The following MPDZ variants were observed in gnomAD, a reference collection of about 807,000 sequenced individuals.
MPDZ encodes the protein multiple PDZ domain crumbs cell polarity complex component.
MPDZ carries 234 observed loss-of-function variants against 239.1 expected under a neutral mutation model. The ratio of observed to expected loss-of-function variants is 0.98; its 90% CI spans 0.88 to 1.09. The LOEUF (loss-of-function observed/expected upper bound fraction) is 1.09, where lower values mean the gene tolerates loss of function less well. MPDZ is among the 50% of genes least tolerant of loss of function. The pLI is 0.00. For missense variants in MPDZ, 3,175 were observed against 2,510.0 expected, an observed-to-expected ratio of 1.26 and a Z score of -5.66; for synonymous variants, 1,048 against 881.3, an observed-to-expected ratio of 1.19 and a Z score of -3.35.
chr9:13,199,659 C>T (rs1458109547), intron 12 of MPDZ, among the ~76,000 whole-genome samples: 2 of 151,948 alleles, frequency 1.3e-5, no homozygotes, highest in East Asian at 3.9e-4. Flanking sequence ...CTTGATTATT[C>T]TGAGGCATGT....
At chr9:13,114,806 A>C (rs893995348) in intron 40 of MPDZ, among the ~76,000 whole-genome samples, 1 of 152,118 alleles carries the variant, frequency 6.6e-6, no homozygotes, top group African/African-American at 2.4e-5. Flanking sequence ...AAGTAGAGAC[A>C]GAAGAATCTA....
At chr9:13,109,423 G>C (rs1942040253) in intron 45 of MPDZ, among the ~76,000 whole-genome samples, 1 of 152,140 alleles carries the variant, frequency 6.6e-6, no homozygotes, top group Non-Finnish European at 1.5e-5. Flanking sequence ...ATAAACATCA[G>C]TACGCCCAAG....
intron 8 of MPDZ, among the ~76,000 whole-genome samples, 157 bp downstream of exon 8, chr9:13,219,402 A>G (rs552482466): frequency 6.6e-6 from 1 of 152,182 alleles, no homozygotes; most frequent in African/African-American, 2.4e-5. Flanking sequence ...GATTAATAAA[A>G]TATCATTAGT....
At position 13,250,370 on chromosome 9, in the gene MPDZ, A is replaced by G. The variant is rs1588116904; in HGVS notation, c.-55T>C. The G allele has an allele frequency of 6.8e-7, 1 of 1,480,024 alleles. No individual in the cohort carries two copies. Among genetic ancestry groups the G allele is most frequent in the Non-Finnish European group, 9.3e-7 (1 of 1,080,690 alleles). The allele number at this position is 1,480,024 out of a possible 1,614,324, so 91.7% of individuals were successfully genotyped here. A position where few individuals can be genotyped will look rare whatever the true frequency, so the allele number is the denominator to read the frequency against. On this transcript the variant is annotated splice_region_variant and 5_prime_UTR_variant, in exon 2 of 47. Coordinates refer to ENST00000319217, the MANE Select transcript of MPDZ (RefSeq NM_001378778.1). ...AATGATTAACAGCAATTAAAATGGAACTCTGTGCAAAAAAGAAATAGAATG... is the reference window on the plus strand; with the variant it reads ...AATGATTAACAGCAATTAAAATGGAGCTCTGTGCAAAAAAGAAATAGAATG...
intron 19 of MPDZ, among the ~76,000 whole-genome samples, chr9:13,179,976 C>G (rs1283218816): frequency 6.6e-6 from 1 of 151,966 alleles, no homozygotes; most frequent in Non-Finnish European, 1.5e-5. Flanking sequence ...TGTCCTTCTC[C>G]CACTCTTTCT....
intron 27 of MPDZ, among the ~76,000 whole-genome samples, chr9:13,141,802 G>T (rs1488292681): frequency 3.9e-5 from 6 of 152,138 alleles, no homozygotes; most frequent in Non-Finnish European, 5.9e-5. Context: ...GACTGATAGA[G>T]ATTTAAGGGC....
intron 10 of MPDZ, among the ~76,000 whole-genome samples, chr9:13,208,013 G>A (rs768872833): frequency 4.6e-5 from 7 of 152,142 alleles, no homozygotes; most frequent in Admixed American, 6.6e-5. Flanking sequence ...ATGACTGTAC[G>A]TGTAATGCTT....
chr9:13,188,514 T>TCAAC (rs1563988481), intron 17 of MPDZ, among the ~76,000 whole-genome samples: 1 of 151,462 alleles, frequency 6.6e-6, no homozygotes, highest in African/African-American at 2.4e-5. Context: ...CAAGGCTCCA[T>TCAAC]CAATCAATCA....
rs1948824968 is a variant in MPDZ at position 13,149,182 on chromosome 9, A to T, written c.3630+1329T>A. ...GAAAAAGCCTATCACTCTTCCTTAT[A>T]AACGGTCATCAAAAAAAAAAGGACA... is the stretch of plus-strand genomic sequence containing the variant. On this transcript the variant is annotated intron_variant, in intron 25 of 46. Coordinates refer to ENST00000319217, the MANE Select transcript of MPDZ (RefSeq NM_001378778.1). Among the ~76,000 whole-genome samples, 3 of 151,974 alleles carry T rather than the reference A, an allele frequency of 2.0e-5. No individual in the cohort carries two copies. In the South Asian group the frequency reaches 6.2e-4, roughly 32 times the overall value.
intron 21 of MPDZ, among the ~76,000 whole-genome samples, chr9:13,173,979 C>A (rs1952133584): frequency 1.3e-5 from 2 of 152,150 alleles, no homozygotes; most frequent in South Asian, 4.1e-4. Context: ...TTAGTTCCAA[C>A]TCTGATTTTG....
chr9:13,222,466 G>A lies in MPDZ; in HGVS notation c.534-20C>T, dbSNP rs1959183981. 1.3e-6 allele frequency: 2 copies of A among 1,583,254 alleles called. No individual in the cohort carries two copies. Among genetic ancestry groups the A allele is most frequent in the Admixed American group, 1.7e-5 (1 of 59,694 alleles). ...CCATCTCTATCAAGGATGCAAAAGG[G>A]GATAAAAGACAATCTGAGAGTTCTC... On this transcript the variant is annotated intron_variant, in intron 5 of 46. Transcript: ENST00000319217.
rs1563997716 is a variant in MPDZ at position 13,192,212 on chromosome 9, C to T, written c.1887G>A (p.Val629=). 1.2e-6 allele frequency: 2 copies of T among 1,610,210 alleles called. No homozygotes were observed. Among genetic ancestry groups the T allele is most frequent in the East Asian group, 2.2e-5 (1 of 44,654 alleles). ...LKELPIEVTM[V]CCRRTVPPTT... is the part of the protein sequence containing the mutation. ...TGGGTGGCACAGTTCGACGACAGCA[C>T]ACCATTGTCACTTCTATAGGCAGTT... is the stretch of plus-strand genomic sequence containing the variant. Residue 629 remains valine, a synonymous_variant, in exon 15 of 47, where the codon GTG becomes GTA. Transcript: ENST00000319217.
chr9:13,226,149 C>T (rs1960520263), intron 3 of MPDZ, among the ~76,000 whole-genome samples: 6 of 152,080 alleles, frequency 3.9e-5, no homozygotes. Context: ...TGGGGCAGCA[C>T]TGGCAGTCTG....
At position 13,188,815 on chromosome 9, in the gene MPDZ, G is replaced by A. The variant is rs1954506470; in HGVS notation, c.2333C>T (p.Thr778Ile). The change falls in exon 17 of 47, where the codon ACT becomes ATT. Residue 778 changes from threonine (T) to isoleucine (I), a missense_variant. Physicochemically the swap from Thr to Ile is moderately conservative, Grantham distance 89. Coordinates refer to ENST00000319217, the MANE Select transcript of MPDZ (RefSeq NM_001378778.1). Reference sequence around the variant, plus strand: ...AGGCTTAGCAACTCCTATTCTCACAGTCCCTGACGGTGCTCCCTTCAGTGC... The same window carrying A: ...AGGCTTAGCAACTCCTATTCTCACAATCCCTGACGGTGCTCCCTTCAGTGC... ...VEALKGAPSGTVRIGVAKPLP... is the reference protein window; with the variant it reads ...VEALKGAPSGIVRIGVAKPLP... 3 of 1,613,420 alleles carry A rather than the reference G, an allele frequency of 1.9e-6. No individual in the cohort carries two copies. Among genetic ancestry groups the A allele is most frequent in the Non-Finnish European group, 2.5e-6 (3 of 1,179,474 alleles).
intron 12 of MPDZ, among the ~76,000 whole-genome samples, chr9:13,199,318 T>G (rs1413386661): frequency 1.3e-5 from 2 of 152,092 alleles, no homozygotes; most frequent in African/African-American, 4.8e-5. Context: ...GATTATTTGC[T>G]GTGGTGTATG....
At chr9:13,262,101 CATTATATAA>C (rs1970817062) in intron 1 of MPDZ, among the ~76,000 whole-genome samples, 1 of 151,594 alleles carries the variant, frequency 6.6e-6, no homozygotes, top group African/African-American at 2.4e-5. Flanking sequence ...GACAAATTTT[CATTATATAA>C]ATGAAATCTT....
intron 17 of MPDZ, among the ~76,000 whole-genome samples, chr9:13,187,978 C>A (rs921027618): frequency 3.9e-5 from 6 of 152,056 alleles, no homozygotes; most frequent in African/African-American, 1.4e-4. Flanking sequence ...AACTGATGAA[C>A]CCATTTTGGA....
At chr9:13,141,163 G>T (rs1395988242) in intron 27 of MPDZ, among the ~76,000 whole-genome samples, 1 of 150,388 alleles carries the variant, frequency 6.6e-6, no homozygotes. Context: ...TGCAGTTTTT[G>T]CCATTAAAAC....
At chr9:13,196,970 T>C (rs556247582) in intron 12 of MPDZ, among the ~76,000 whole-genome samples, 1 of 151,954 alleles carries the variant, frequency 6.6e-6, no homozygotes, top group East Asian at 1.9e-4. Flanking sequence ...TAAATTAAAT[T>C]TCAATATCCT....
Sources: allele counts gnomAD v4.1 joint callset (sites outside exome capture counted in the v4.1 genomes callset), GRCh38; gene constraint gnomAD v4.1.1; transcripts MANE v1.5; gene names NCBI Gene and HGNC (gene_info 2026-07-23, HGNC 2026-07-21).